Variants in FANK1 observed in about 807,000 individuals in gnomAD.
FANK1 encodes fibronectin type III and ankyrin repeat domains 1, also known as fibronectin type 3 and ankyrin repeat domains protein 1.
FANK1 carries 44 observed loss-of-function variants against 45.3 expected under a neutral mutation model. That is an observed-to-expected ratio of 0.97 (90% CI 0.76 to 1.25). The LOEUF is 1.25. FANK1 is among the 50% of genes most tolerant of loss of function. The probability of loss-of-function intolerance (pLI) is 0.00; values close to 1 mark genes in which losing one functional copy is unlikely to be tolerated. For missense variants in FANK1, 391 were observed against 424.4 expected (o/e 0.92, Z 0.69); for synonymous variants, 149 against 152.5 (o/e 0.98, Z 0.17).
In FANK1 at chr10:125,935,917, A is replaced by G. The variant is rs550949244; in HGVS notation, c.13+39262A>G. On this transcript the variant is annotated intron_variant, in intron 1 of 10. Transcript: ENST00000368693. The stretch of plus-strand genomic sequence containing the variant: ...TGTCTTGCTATATTATATGAAGACT[A>G]CATTTTTAAGCTAATAAGGGCCACC... Among the ~76,000 whole-genome samples the G allele has an allele frequency of 3.9e-5, 6 of 152,300 alleles. No individual in the cohort carries two copies. In the South Asian group the frequency reaches 1.2e-3, roughly 32 times the overall value.
At chr10:125,978,051 T>C (rs530451557) in intron 1 of FANK1, among the ~76,000 whole-genome samples, 14 of 151,526 alleles carry the variant, frequency 9.2e-5, no homozygotes, top group Non-Finnish European at 1.8e-4. Context: ...TGAGGAGATA[T>C]GGACAAGTCT....
intron 1 of FANK1, among the ~76,000 whole-genome samples, chr10:125,908,305 A>T (rs576303085): frequency 6.6e-6 from 1 of 152,066 alleles, no homozygotes; most frequent in Non-Finnish European, 1.5e-5. Context: ...CTTTTCTCAT[A>T]TGTTTATAGC....
At chr10:125,976,394 C>G (rs1471050868) in intron 1 of FANK1, among the ~76,000 whole-genome samples, 1 of 152,182 alleles carries the variant, frequency 6.6e-6, no homozygotes, top group Non-Finnish European at 1.5e-5. Flanking sequence ...GGGATGATAT[C>G]TAGGAATATA....
At chr10:125,902,433 T>C (rs1945119307) in intron 1 of FANK1, among the ~76,000 whole-genome samples, 1 of 152,204 alleles carries the variant, frequency 6.6e-6, no homozygotes, top group Non-Finnish European at 1.5e-5. Context: ...CCTTACCTAC[T>C]TTCATTTCCT....
intron 6 of FANK1, among the ~76,000 whole-genome samples, chr10:126,001,287 T>C (rs1369110357): frequency 6.6e-6 from 1 of 152,242 alleles, no homozygotes; most frequent in Admixed American, 6.5e-5. Context: ...GATATATTCA[T>C]ATGATGGAAT....
intron 8 of FANK1, 74 bp from the exon 9 acceptor site, chr10:126,008,980 C>G: frequency 6.9e-7 from 1 of 1,442,558 alleles, no homozygotes; most frequent in Non-Finnish European, 9.6e-7. Context: ...CTGCATGTGC[C>G]AGGCTCATGC....
chr10:125,948,016 T>A (rs1948935556), intron 1 of FANK1, among the ~76,000 whole-genome samples: 1 of 149,998 alleles, frequency 6.7e-6, no homozygotes, highest in South Asian at 2.2e-4. Context: ...GAATGACTAC[T>A]GGGTACATAA....
chr10:125,914,803 G>A lies in FANK1; in HGVS notation c.13+18148G>A, dbSNP rs145460838. Among the ~76,000 whole-genome samples the A allele has an allele frequency of 2.7e-3, 406 of 152,224 alleles. 3 individuals are homozygous for A. Among genetic ancestry groups the A allele is most frequent in the African/African-American group, 9.1e-3 (376 of 41,526 alleles). The stretch of plus-strand genomic sequence containing the variant: ...TCGCTGCCTGAAGGTTTGAGTCACC[G>A]TAGAAGGGGAGGAGGGGTGGTGGAG... On this transcript the variant is annotated intron_variant, in intron 1 of 10. Coordinates refer to ENST00000368693, the MANE Select transcript of FANK1 (RefSeq NM_145235.5).
At chr10:125,900,784 T>G (rs1944968785) in intron 1 of FANK1, among the ~76,000 whole-genome samples, 3 of 152,168 alleles carry the variant, frequency 2.0e-5, no homozygotes, top group Admixed American at 2.0e-4. Flanking sequence ...CCCAAGTAGC[T>G]GGGATTACAG....
Position 125,898,929 on chromosome 10 carries a change from C to T in FANK1, c.13+2274C>T, listed in dbSNP as rs184589463. 2.7e-3 allele frequency among the ~76,000 whole-genome samples: 390 copies of T among 144,562 alleles called. 1 individual carries two copies. The highest frequency in any genetic ancestry group is 9.7e-3 in the African/African-American group (378 of 39,024). The allele number at this position is 144,562 out of a possible 152,430, so 94.8% of individuals were successfully genotyped here. ...TTTTTTTTTGAGACAGGGTCTTGCTCTGTCACCCAGGCTGGAGTATAGTGG... is the reference window on the plus strand; with the variant it reads ...TTTTTTTTTGAGACAGGGTCTTGCTTTGTCACCCAGGCTGGAGTATAGTGG... On this transcript the variant is annotated intron_variant, in intron 1 of 10. Coordinates refer to ENST00000368693, the MANE Select transcript of FANK1 (RefSeq NM_145235.5).
chr10:125,907,456 G>C, intron 1 of FANK1: 1 of 984,428 alleles, frequency 1.0e-6, no homozygotes. Flanking sequence ...TCCTTTTTTA[G>C]TGTGGATGGG....
intron 2 of FANK1, among the ~76,000 whole-genome samples, chr10:125,984,564 A>C (rs1035598382): frequency 9.2e-5 from 14 of 152,244 alleles, no homozygotes; most frequent in Admixed American, 2.6e-4. Context: ...TCTGACGTCC[A>C]AGCCGAGATG....
At chr10:125,999,935 C>T (rs558895096) in intron 6 of FANK1, among the ~76,000 whole-genome samples, 1 of 152,164 alleles carries the variant, frequency 6.6e-6, no homozygotes, top group East Asian at 1.9e-4. Context: ...CCAACAGAAT[C>T]AACTTGAAAA....
At chr10:125,920,000 A>G (rs1946830068) in intron 1 of FANK1, among the ~76,000 whole-genome samples, 1 of 151,974 alleles carries the variant, frequency 6.6e-6, no homozygotes, top group African/African-American at 2.4e-5. Flanking sequence ...TACAATCAAT[A>G]TTAATTCCTT....
At chr10:125,933,945 AG>A (rs908845817) in intron 1 of FANK1, among the ~76,000 whole-genome samples, 2 of 152,102 alleles carry the variant, frequency 1.3e-5, no homozygotes, top group Admixed American at 1.3e-4. Context: ...ATTGTTTTGA[AG>A]GTTCGTTTTG....
chr10:126,008,629 G>GT, intron 8 of FANK1, 79 bp downstream of exon 8: 1 of 1,512,158 alleles, frequency 6.6e-7, no homozygotes, highest in Non-Finnish European at 8.9e-7. Flanking sequence ...GACAATTCTT[G>GT]TGAGTTCAGC....
chr10:125,988,717 A>G (rs377182494), intron 3 of FANK1, 42 bp downstream of exon 3: 14 of 1,614,018 alleles, frequency 8.7e-6, no homozygotes, highest in African/African-American at 1.3e-5. Context: ...CTCTAGATCA[A>G]TGGAGATGAC....
intron 1 of FANK1, among the ~76,000 whole-genome samples, chr10:125,958,052 G>A (rs1201989008): frequency 6.6e-6 from 1 of 152,002 alleles, no homozygotes; most frequent in Non-Finnish European, 1.5e-5. Context: ...TTTTGGGAGG[G>A]TGAACATTAA....
rs151069641 is a variant in FANK1 at position 125,902,009 on chromosome 10, C to T, written c.13+5354C>T. Reference sequence around the variant, plus strand: ...TGTTGCACGCCTGTAATCCTAGCTACTCACGTGGCTGAGGCAGGAGAATTG... The same window carrying T: ...TGTTGCACGCCTGTAATCCTAGCTATTCACGTGGCTGAGGCAGGAGAATTG... On this transcript the variant is annotated intron_variant, in intron 1 of 10. Transcript: ENST00000368693. Among the ~76,000 whole-genome samples, 703 of 152,232 alleles carry T rather than the reference C, an allele frequency of 4.6e-3. 3 individuals carry two copies. Among genetic ancestry groups the T allele is most frequent in the African/African-American group, 0.016 (648 of 41,532 alleles).
Sources: gnomAD v4.1 joint callset for allele counts (sites outside exome capture counted in the v4.1 genomes callset) on GRCh38, gnomAD v4.1.1 for gene constraint, MANE v1.5 for transcripts, NCBI Gene and HGNC (gene_info 2026-07-23, HGNC 2026-07-21) for gene names.